Variants in ARL15 observed in about 807,000 individuals in gnomAD.
The protein encoded by ARL15 is ARF like GTPase 15.
A neutral mutation model predicts 25.2 loss-of-function variants in ARL15; 19 were observed. The ratio of observed to expected loss-of-function variants is 0.75; its 90% CI spans 0.53 to 1.10. The LOEUF (loss-of-function observed/expected upper bound fraction) is 1.10. Among genes scored for constraint, ARL15 ranks in the 50% least tolerant of loss-of-function variants. ARL15 has a pLI of 0.00. For missense variants in ARL15, 220 were observed against 246.0 expected (o/e 0.89, Z 0.71); for synonymous variants, 94 against 86.8 (o/e 1.08, Z -0.46).
intron 2 of ARL15, among the ~76,000 whole-genome samples, chr5:54,169,653 G>A (rs1016445942): frequency 6.6e-6 from 1 of 152,188 alleles, no homozygotes; most frequent in African/African-American, 2.4e-5. Context: ...CAGACTCTGG[G>A]TATACAATAC....
chr5:54,240,546 C>T (rs1335883940), intron 1 of ARL15, among the ~76,000 whole-genome samples: 8 of 152,012 alleles, frequency 5.3e-5, no homozygotes, highest in Non-Finnish European at 1.2e-4. Context: ...TGCAAGTGTT[C>T]GTTTAGGAGT....
intron 4 of ARL15, among the ~76,000 whole-genome samples, chr5:54,070,716 G>A (rs1282044703): frequency 6.6e-6 from 1 of 151,668 alleles, no homozygotes; most frequent in Non-Finnish European, 1.5e-5. Context: ...GTGGTGGCGA[G>A]CACCTGTAGT....
rs186917604 is a variant in ARL15 at position 54,187,671 on chromosome 5, C to T, written c.49-15743G>A. ...ACTTGTTATTTAATACTCAGCTCTC[C>T]TATTCTACATGTATTCCCTTCTCCC... On this transcript the variant is annotated intron_variant, in intron 1 of 4. Transcript: ENST00000504924. Among the ~76,000 whole-genome samples the T allele has an allele frequency of 2.8e-4, 43 of 152,300 alleles. 1 individual carries two copies. Among genetic ancestry groups the T allele is most frequent in the Admixed American group, 7.8e-4 (12 of 15,294 alleles).
intron 1 of ARL15, among the ~76,000 whole-genome samples, chr5:54,188,664 G>T (rs1464902829): frequency 2.0e-5 from 3 of 152,118 alleles, no homozygotes; most frequent in Non-Finnish European, 2.9e-5. Context: ...CCAGAAAAAT[G>T]CAAGAATTCT....
chr5:54,102,614 A>T (rs1752473776), intron 4 of ARL15, among the ~76,000 whole-genome samples: 1 of 152,102 alleles, frequency 6.6e-6, no homozygotes, highest in Non-Finnish European at 1.5e-5. Context: ...ATGAGAGAGC[A>T]TCTTTCTTTC....
chr5:53,964,037 A>G (rs1250482323), intron 4 of ARL15, among the ~76,000 whole-genome samples: 1 of 152,158 alleles, frequency 6.6e-6, no homozygotes, highest in Non-Finnish European at 1.5e-5. Flanking sequence ...TGGTAACTAC[A>G]TGGGCCACCT....
chr5:53,922,923 TGCTG>T (rs1182450547), intron 4 of ARL15, among the ~76,000 whole-genome samples: 5 of 152,218 alleles, frequency 3.3e-5, no homozygotes, highest in African/African-American at 1.2e-4. Context: ...CCATAAATGC[TGCTG>T]ACTGACTGAC....
At chr5:54,255,240 T>C (rs1371301682) in intron 1 of ARL15, among the ~76,000 whole-genome samples, 2 of 152,156 alleles carry the variant, frequency 1.3e-5, no homozygotes, top group Non-Finnish European at 2.9e-5. Context: ...ACTGTTTGTT[T>C]TAATGGCTGG....
At chr5:54,177,749 C>T (rs769839184) in intron 1 of ARL15, among the ~76,000 whole-genome samples, 3 of 152,254 alleles carry the variant, frequency 2.0e-5, no homozygotes, top group Non-Finnish European at 4.4e-5. Context: ...ACCACTATTC[C>T]TTCACATGGT....
chr5:54,061,630 G>T (rs1055745496), intron 4 of ARL15, among the ~76,000 whole-genome samples: 2 of 152,082 alleles, frequency 1.3e-5, no homozygotes, highest in African/African-American at 4.8e-5. Flanking sequence ...TAAAATAAAA[G>T]AATTGACATT....
At chr5:53,981,585 G>A (rs1694058) in intron 4 of ARL15, among the ~76,000 whole-genome samples, 44,039 of 152,042 alleles carry the variant, frequency 0.29, 7,811 homozygotes, top group Middle Eastern at 0.44. Flanking sequence ...TTAATTTGTG[G>A]TATCTGCAAG....
intron 4 of ARL15, among the ~76,000 whole-genome samples, chr5:54,098,947 A>G (rs1032283379): frequency 1.3e-5 from 2 of 152,182 alleles, no homozygotes; most frequent in Admixed American, 6.5e-5. Flanking sequence ...TGAGAGTAAG[A>G]GTTGGTGCGA....
chr5:54,029,359 C>A (rs1749898488), intron 4 of ARL15, among the ~76,000 whole-genome samples: 2 of 138,540 alleles, frequency 1.4e-5, no homozygotes, highest in Non-Finnish European at 3.2e-5. Flanking sequence ...ACCACCACCA[C>A]CACCACCACC....
Position 53,958,587 on chromosome 5 carries a change from A to G in ARL15, c.463-71874T>C, listed in dbSNP as rs115547597. ...TTGTTGGTAGTTACTTGAAGTATAA[A>G]TGGATCAAACTCTTCAATATAAAGG... On this transcript the variant is annotated intron_variant, in intron 4 of 4. Transcript: ENST00000504924. Among the ~76,000 whole-genome samples, 681 of 152,318 alleles carry G rather than the reference A, an allele frequency of 4.5e-3. 7 individuals carry two copies. Among genetic ancestry groups the G allele is most frequent in the African/African-American group, 0.014 (567 of 41,566 alleles).
At chr5:54,001,200 G>A (rs2111722433) in intron 4 of ARL15, among the ~76,000 whole-genome samples, 1 of 152,252 alleles carries the variant, frequency 6.6e-6, no homozygotes, top group South Asian at 2.1e-4. Flanking sequence ...TTAGGTACTA[G>A]ACTCAGTAAT....
At position 53,895,507 on chromosome 5, in the gene ARL15, T is replaced by C. The variant is rs181515812; in HGVS notation, c.463-8794A>G. ...GTACTACTCCCCATTAGGCAAGTGGTCAGTGACCTGTCAGTTTGAGGTTTT... is the reference window on the plus strand; with the variant it reads ...GTACTACTCCCCATTAGGCAAGTGGCCAGTGACCTGTCAGTTTGAGGTTTT... On this transcript the variant is annotated intron_variant, in intron 4 of 4. Transcript: ENST00000504924. Among the ~76,000 whole-genome samples the C allele has an allele frequency of 1.5e-4, 23 of 152,336 alleles. No individual in the cohort carries two copies. The East Asian group carries it at 4.4e-3, about 29-fold the overall frequency.
At chr5:54,118,421 G>T (rs983075689) in intron 3 of ARL15, among the ~76,000 whole-genome samples, 3 of 151,872 alleles carry the variant, frequency 2.0e-5, no homozygotes, top group Admixed American at 2.0e-4. Flanking sequence ...CAAAATTGTT[G>T]ATTTTCATTA....
intron 2 of ARL15, among the ~76,000 whole-genome samples, chr5:54,161,628 A>C (rs541619497): frequency 4.6e-5 from 7 of 152,258 alleles, no homozygotes; most frequent in African/African-American, 1.2e-4. Flanking sequence ...GACTTGGCAC[A>C]GTTTATCTGT....
chr5:53,951,159 A>C (rs1350599330), intron 4 of ARL15, among the ~76,000 whole-genome samples: 1 of 152,240 alleles, frequency 6.6e-6, no homozygotes. Context: ...ATTTGTTTAT[A>C]TATTGTCTAT....
Sources: allele counts gnomAD v4.1 joint callset (sites outside exome capture counted in the v4.1 genomes callset), GRCh38; gene constraint gnomAD v4.1.1; transcripts MANE v1.5; gene names NCBI Gene and HGNC (gene_info 2026-07-23, HGNC 2026-07-21).